The following SYTL2 variants were observed in gnomAD, a reference collection of about 807,000 sequenced individuals.
SYTL2 encodes the protein synaptotagmin like 2.
SYTL2 carries 165 observed loss-of-function variants against 198.7 expected under a neutral mutation model. That is an observed-to-expected ratio of 0.83 (90% CI 0.73 to 0.94). The LOEUF is 0.94. SYTL2 is among the 40% of genes least tolerant of loss of function. SYTL2 has a pLI of 0.00. For synonymous variants in SYTL2, 966 were observed against 917.7 expected (o/e 1.05, Z -0.95); for missense variants, 2,835 against 2,582.8 (o/e 1.10, Z -2.12).
In SYTL2 at chr11:85,727,921, A is replaced by G. The variant is rs1317703541; in HGVS notation, c.1437T>C (p.Gly479=). Residue 479 remains glycine, a synonymous_variant, in exon 8 of 20, where the codon GGT becomes GGC. Transcript: ENST00000359152. Reference sequence around the variant, plus strand: ...CTTGCTGACGGTCTCTAGAACTGCCACCTGGCACCTGAGATGGCTCAGGCT... The same window carrying G: ...CTTGCTGACGGTCTCTAGAACTGCCGCCTGGCACCTGAGATGGCTCAGGCT... The part of the protein sequence containing the change: ...CVEPEPSQVP[G]GSSRDRQQGK... 1 of 1,613,414 alleles carries G rather than the reference A, an allele frequency of 6.2e-7. No homozygotes were observed. The highest frequency in any genetic ancestry group is 1.7e-5 in the Admixed American group (1 of 59,834).
chr11:85,846,340 A>C, the SYTL2 span, among the ~76,000 whole-genome samples: 1 of 152,242 alleles, frequency 6.6e-6, no homozygotes, highest in Non-Finnish European at 1.5e-5. Flanking sequence ...TAAGACCACC[A>C]GATTCAAGGA....
In SYTL2 at chr11:85,696,163, A is replaced by C; in HGVS notation, c.6574+20T>G. The C allele has an allele frequency of 1.2e-6, 2 of 1,611,650 alleles. No individual in the cohort carries two copies. The highest frequency in any genetic ancestry group is 1.7e-6 in the Non-Finnish European group (2 of 1,178,238). On this transcript the variant is annotated intron_variant, in intron 19 of 19. Transcript: ENST00000359152. ...AGAAAAATTTGGCTCATGGAGAATT[A>C]AAAATGTAGCAAACAGTACCTGTTC... is the stretch of plus-strand genomic sequence containing the variant.
chr11:85,854,626 G>A, the SYTL2 span: 23,941 of 152,164 alleles, frequency 0.16, 2,080 homozygotes, highest in Middle Eastern at 0.2. Context: ...ATTAGTGCAC[G>A]AAAGTAGAAA....
In SYTL2 at chr11:85,779,070, C is replaced by T. The variant is rs367950210; in HGVS notation, c.-389-20956G>A. On this transcript the variant is annotated intron_variant, in intron 1 of 19. Transcript: ENST00000359152. The stretch of plus-strand genomic sequence containing the variant: ...TATATATATTATATAACATATACAT[C>T]TATATACATAAAAACTACTATACAT... Among the ~76,000 whole-genome samples, 35 of 152,028 alleles carry T rather than the reference C, an allele frequency of 2.3e-4. No individual in the cohort carries two copies. The East Asian group carries it at 6.4e-3, about 28-fold the overall frequency.
intron 16 of SYTL2, among the ~76,000 whole-genome samples, chr11:85,702,191 A>ATTT (rs35728321): frequency 1.5e-4 from 21 of 142,022 alleles, no homozygotes; most frequent in Middle Eastern, 3.7e-3. Context: ...TAGTGGGTCT[A>ATTT]TTTTTTTTTT....
chr11:85,705,412 C>CT (rs1421268022), intron 15 of SYTL2, among the ~76,000 whole-genome samples: 1 of 152,088 alleles, frequency 6.6e-6, no homozygotes, highest in Non-Finnish European at 1.5e-5. Flanking sequence ...AGAACAAGGT[C>CT]TTTTTTAAAA....
chr11:85,802,090 A>G (rs972076129), intron 1 of SYTL2, among the ~76,000 whole-genome samples: 2 of 152,080 alleles, frequency 1.3e-5, no homozygotes, highest in African/African-American at 4.8e-5. Context: ...CTGGGAATAC[A>G]GGCATGGGCC....
At chr11:85,699,765 G>A (rs1035154566) in intron 17 of SYTL2, among the ~76,000 whole-genome samples, 16 of 152,126 alleles carry the variant, frequency 1.1e-4, no homozygotes, top group Admixed American at 2.0e-4. Flanking sequence ...AACTTGCTTG[G>A]GAAATGGAGC....
the SYTL2 span, among the ~76,000 whole-genome samples, chr11:85,820,721 T>G: frequency 6.6e-6 from 1 of 152,230 alleles, no homozygotes; most frequent in African/African-American, 2.4e-5. Flanking sequence ...CTGATGTGTA[T>G]CTCCTATTCC....
chr11:85,750,185 A>G (rs1032899091), intron 2 of SYTL2, among the ~76,000 whole-genome samples: 2 of 152,098 alleles, frequency 1.3e-5, no homozygotes, highest in Non-Finnish European at 2.9e-5. Flanking sequence ...CCTAGATGGG[A>G]TCTTGGACAG....
the SYTL2 span, among the ~76,000 whole-genome samples, chr11:85,832,998 AAAAAAAAGAAAG>A: frequency 3.8e-5 from 4 of 106,610 alleles, no homozygotes; most frequent in South Asian, 5.7e-4. Flanking sequence ...CCTGTCTCAA[AAAAAAAAGAAAG>A]AAAAGAAAGA....
intron 16 of SYTL2, among the ~76,000 whole-genome samples, chr11:85,702,368 AGGCAG>A (rs2084455953): frequency 6.6e-6 from 1 of 151,918 alleles, no homozygotes; most frequent in South Asian, 2.1e-4. Context: ...TTCTTTGCAA[AGGCAG>A]GGTTTTGCCA....
rs751557920 is a variant in SYTL2 at position 85,734,547 on chromosome 11, G to T, written c.782C>A (p.Thr261Lys). The T allele has an allele frequency of 6.2e-7, 1 of 1,614,200 alleles. No homozygotes were observed. Among genetic ancestry groups the T allele is most frequent in the Non-Finnish European group, 8.5e-7 (1 of 1,180,026 alleles). ...AGCCCCTCTCGCTTTCAGGGAGTCT[G>T]TCCTTTGTCTAGGAAAAGACTGGTT... ...DDNQSFPRQRTDSLKARGAPR... is the reference protein window; with the variant it reads ...DDNQSFPRQRKDSLKARGAPR... Residue 261 changes from threonine to lysine, a missense_variant, in exon 7 of 20, where the codon ACA (threonine) becomes AAA (lysine). Thr to Lys is a moderately conservative substitution (Grantham distance 78, BLOSUM62 -1). This residue lies in a region of SYTL2 where 2,645 missense variants were observed against 2,381.7 expected (regional missense o/e 1.11). Transcript: ENST00000359152.
chr11:85,811,233 T>A (rs896390849), upstream of SYTL2: 1 of 151,582 alleles, frequency 6.6e-6, no homozygotes, highest in Non-Finnish European at 1.5e-5. Context: ...CTCGGGCCAA[T>A]GGCGCTTCGC....
intron 1 of SYTL2, among the ~76,000 whole-genome samples, chr11:85,759,171 G>A (rs188609131): frequency 6.6e-6 from 1 of 151,270 alleles, no homozygotes; most frequent in Non-Finnish European, 1.5e-5. Context: ...TCTTGAACCC[G>A]GGAGGCGGAG....
At chr11:85,730,672 G>C (rs2089716563) in intron 7 of SYTL2, among the ~76,000 whole-genome samples, 1 of 152,062 alleles carries the variant, frequency 6.6e-6, no homozygotes, top group African/African-American at 2.4e-5. Flanking sequence ...CATTCTCTTT[G>C]AAAACTGGCA....
At chr11:85,814,256 ACCT>A (rs2093059028), upstream of SYTL2, among the ~76,000 whole-genome samples, 2 of 152,094 alleles carry the variant, frequency 1.3e-5, no homozygotes, top group Non-Finnish European at 2.9e-5. Flanking sequence ...CTTCCAGATG[ACCT>A]AACTTGTAGC....
At chr11:85,847,449 G>A in the SYTL2 span, among the ~76,000 whole-genome samples, 2 of 151,916 alleles carry the variant, frequency 1.3e-5, no homozygotes, top group East Asian at 3.9e-4. Context: ...ATTACAAGCA[G>A]CTATGAACAT....
At chr11:85,829,403 T>C in the SYTL2 span, among the ~76,000 whole-genome samples, 7 of 152,212 alleles carry the variant, frequency 4.6e-5, no homozygotes, top group Admixed American at 3.9e-4. Flanking sequence ...TATGGCTGTG[T>C]AGTATTCCAT....
Sources: gnomAD v4.1 joint callset for allele counts (sites outside exome capture counted in the v4.1 genomes callset) on GRCh38, gnomAD v4.1.1 for gene constraint, gnomAD v4.1.1 regional missense constraint, MANE v1.5 for transcripts, NCBI Gene and HGNC (gene_info 2026-07-23, HGNC 2026-07-21) for gene names.